The following ANKRD30B variants were observed in gnomAD, a reference collection of about 807,000 sequenced individuals.
ANKRD30B encodes ankyrin repeat domain-containing protein 30B.
A neutral mutation model predicts 202.2 loss-of-function variants in ANKRD30B; 144 were observed. That is an observed-to-expected ratio of 0.71 (90% confidence interval 0.62 to 0.82). ANKRD30B has a LOEUF of 0.82. Ranked by LOEUF, ANKRD30B falls within the 40% of genes least tolerant of loss-of-function variation. The pLI is 0.00. For missense variants in ANKRD30B, 1,487 were observed against 1,669.1 expected (o/e 0.89, Z 1.90); for synonymous variants, 508 against 561.3 (o/e 0.91, Z 1.34).
chr18:14,922,987 C>T, the ANKRD30B span, among the ~76,000 whole-genome samples: 1 of 152,142 alleles, frequency 6.6e-6, no homozygotes, highest in Non-Finnish European at 1.5e-5. Context: ...TCCTGGAATA[C>T]GTATCTAGAC....
chr18:14,772,940 A>G (rs898659836), intron 9 of ANKRD30B, among the ~76,000 whole-genome samples: 11 of 152,036 alleles, frequency 7.2e-5, no homozygotes, highest in African/African-American at 2.7e-4. Flanking sequence ...ACATAGCGAG[A>G]CCTTATCACT....
intron 15 of ANKRD30B, among the ~76,000 whole-genome samples, chr18:14,787,412 T>G (rs1478733042): frequency 6.6e-6 from 1 of 152,144 alleles, no homozygotes; most frequent in Non-Finnish European, 1.5e-5. Flanking sequence ...TTACACTGAG[T>G]CCAGCTATGG....
At chr18:14,834,180 C>T (rs1368484070) in intron 34 of ANKRD30B, among the ~76,000 whole-genome samples, 10 of 151,968 alleles carry the variant, frequency 6.6e-5, no homozygotes. Flanking sequence ...TTTTTCCATA[C>T]AAGAGGTAAT....
chr18:14,820,478 A>C (rs951232696), intron 30 of ANKRD30B, among the ~76,000 whole-genome samples: 2 of 152,170 alleles, frequency 1.3e-5, no homozygotes, highest in Non-Finnish European at 2.9e-5. Context: ...TTGCCCATTC[A>C]GTATGATATT....
chr18:14,885,639 T>A, the ANKRD30B span, among the ~76,000 whole-genome samples: 2 of 152,010 alleles, frequency 1.3e-5, no homozygotes, highest in South Asian at 4.1e-4. Flanking sequence ...CGTACATCTT[T>A]ATGTTCTTTG....
At chr18:14,889,748 A>G in the ANKRD30B span, among the ~76,000 whole-genome samples, 1 of 150,234 alleles carries the variant, frequency 6.7e-6, no homozygotes, top group African/African-American at 2.5e-5. Context: ...AAGGATCCTT[A>G]GAGGTCAGCT....
chr18:14,893,180 T>C, the ANKRD30B span, among the ~76,000 whole-genome samples: 1 of 152,192 alleles, frequency 6.6e-6, no homozygotes, highest in Non-Finnish European at 1.5e-5. Flanking sequence ...TATTTTCTAG[T>C]CTATTTTGTT....
At chr18:14,908,026 A>G in the ANKRD30B span, among the ~76,000 whole-genome samples, 1 of 152,234 alleles carries the variant, frequency 6.6e-6, no homozygotes, top group Admixed American at 6.5e-5. Flanking sequence ...TATAAAATGG[A>G]CAGATGGTTG....
At chr18:14,885,463 T>G in the ANKRD30B span, among the ~76,000 whole-genome samples, 1 of 152,048 alleles carries the variant, frequency 6.6e-6, no homozygotes, top group Non-Finnish European at 1.5e-5. Flanking sequence ...CACATGAGTC[T>G]TAAGAGAAAA....
intron 39 of ANKRD30B, among the ~76,000 whole-genome samples, chr18:14,846,097 A>C (rs1365515160): frequency 6.6e-6 from 1 of 151,898 alleles, no homozygotes; most frequent in Non-Finnish European, 1.5e-5. Context: ...TTCTTCAGGT[A>C]AAAGTCGAAG....
chr18:14,800,355 C>T (rs1467184411), intron 22 of ANKRD30B, among the ~76,000 whole-genome samples: 1 of 150,092 alleles, frequency 6.7e-6, no homozygotes, highest in African/African-American at 2.5e-5. Flanking sequence ...TCGCCCATCT[C>T]GTTGTCTTGC....
At chr18:14,907,027 A>T in the ANKRD30B span, among the ~76,000 whole-genome samples, 1 of 152,172 alleles carries the variant, frequency 6.6e-6, no homozygotes, top group Non-Finnish European at 1.5e-5. Flanking sequence ...TGTCTCAGTT[A>T]AGATAAGGAA....
the ANKRD30B span, among the ~76,000 whole-genome samples, chr18:14,925,631 G>A: frequency 8.5e-5 from 13 of 152,224 alleles, no homozygotes; most frequent in Non-Finnish European, 1.6e-4. Flanking sequence ...GAGTGTATTC[G>A]GCCCTGGCCT....
the ANKRD30B span, among the ~76,000 whole-genome samples, chr18:14,903,102 C>T: frequency 0.014 from 2,124 of 152,304 alleles, 47 homozygotes; most frequent in African/African-American, 0.049. Flanking sequence ...GCCCTTGGCT[C>T]TCCTGACTTC....
intron 10 of ANKRD30B, among the ~76,000 whole-genome samples, chr18:14,778,458 A>C (rs1278982643): frequency 6.6e-6 from 1 of 152,218 alleles, no homozygotes; most frequent in Non-Finnish European, 1.5e-5. Flanking sequence ...GAAGAATATA[A>C]GGTGACCTTT....
chr18:14,753,016 GACATTA>G lies in ANKRD30B; in HGVS notation c.510+7_510+12del, dbSNP rs1466905527. ...AGTCATCGAGGTGCAAAACAAGGTA[GACATTA>G]ACCAATGTTATTTTCAAAATATTTG... is the stretch of plus-strand genomic sequence containing the variant. On this transcript the variant is annotated splice_donor_5th_base_variant and intron_variant, in intron 3 of 43. Transcript: ENST00000690538. The G allele has an allele frequency of 4.5e-6, 7 of 1,568,342 alleles. No individual in the cohort carries two copies. Among genetic ancestry groups the G allele is most frequent in the Non-Finnish European group, 6.1e-6 (7 of 1,156,430 alleles).
At chr18:14,787,743 G>A (rs1968178798) in intron 15 of ANKRD30B, among the ~76,000 whole-genome samples, 2 of 152,186 alleles carry the variant, frequency 1.3e-5, no homozygotes, top group Admixed American at 1.3e-4. Flanking sequence ...AGCAGCATGA[G>A]CGTGAAATAA....
At chr18:14,800,345 T>C (rs1304261926) in intron 22 of ANKRD30B, among the ~76,000 whole-genome samples, 1 of 150,456 alleles carries the variant, frequency 6.6e-6, no homozygotes, top group African/African-American at 2.5e-5. Context: ...TCTCGCTGTC[T>C]CGCCCATCTC....
intron 39 of ANKRD30B, among the ~76,000 whole-genome samples, chr18:14,846,000 A>G (rs969251663): frequency 3.3e-5 from 5 of 152,136 alleles, no homozygotes; most frequent in African/African-American, 1.2e-4. Flanking sequence ...GAAAATTGCA[A>G]GGACAAAGAC....
Sources: allele counts gnomAD v4.1 joint callset (sites outside exome capture counted in the v4.1 genomes callset), GRCh38; gene constraint gnomAD v4.1.1; transcripts MANE v1.5; gene names NCBI Gene and HGNC (gene_info 2026-07-23, HGNC 2026-07-21).